The following SUZ12 variants were observed in gnomAD, a reference collection of about 807,000 sequenced individuals.
SUZ12 encodes the protein SUZ12 polycomb repressive complex 2 subunit, also known as polycomb protein SUZ12.
A neutral mutation model predicts 87.3 loss-of-function variants in SUZ12; 17 were observed. The observed-to-expected ratio is 0.19, with a 90% CI of 0.13 to 0.29. The LOEUF is 0.29. Among genes scored for constraint, SUZ12 ranks in the 10% least tolerant of loss-of-function variants. The probability of loss-of-function intolerance (pLI) is 1.00; values close to 1 mark genes in which losing one functional copy is unlikely to be tolerated. For synonymous variants in SUZ12, 253 were observed against 312.4 expected (o/e 0.81, Z 2.01); for missense variants, 526 against 912.2 (o/e 0.58, Z 5.45).
At chr17:31,969,102 A>G (rs566294531) in intron 5 of SUZ12, among the ~76,000 whole-genome samples, 19 of 152,096 alleles carry the variant, frequency 1.2e-4, no homozygotes, top group Non-Finnish European at 2.4e-4. Context: ...TCCACCTCCC[A>G]AGTATCTGGG....
chr17:31,980,466 T>TTTTTTTTTG (rs1909037343), intron 8 of SUZ12, among the ~76,000 whole-genome samples: 2 of 111,402 alleles, frequency 1.8e-5, no homozygotes, highest in East Asian at 2.2e-4. Flanking sequence ...TTTTTTTTTT[T>TTTTTTTTTG]GAGACGGAGT....
chr17:31,937,214 G>A lies in SUZ12; in HGVS notation c.-33G>A, dbSNP rs1309297959. 22 of 1,398,456 alleles carry A rather than the reference G, an allele frequency of 1.6e-5. No individual in the cohort carries two copies. The highest frequency in any genetic ancestry group is 3.1e-5 in the African/African-American group (2 of 65,432). The allele number at this position is 1,398,456 out of a possible 1,614,324, so 86.6% of individuals were successfully genotyped here. A position where few individuals can be genotyped will look rare whatever the true frequency, so the allele number is the denominator to read the frequency against. ...GCTTGCTCTCCGGGGCCGCCCGGCG[G>A]GTAGCTGGCGGGGGGAGGAGGCAGG... On this transcript the variant is annotated 5_prime_UTR_variant, in exon 1 of 16. Coordinates refer to ENST00000322652, the MANE Select transcript of SUZ12 (RefSeq NM_015355.4).
intron 9 of SUZ12, among the ~76,000 whole-genome samples, chr17:31,987,126 A>G (rs746763289): frequency 2.6e-5 from 4 of 152,222 alleles, no homozygotes; most frequent in Non-Finnish European, 5.9e-5. Flanking sequence ...AGGACTTGGT[A>G]ATTGCATGAG....
At chr17:31,990,099 C>T (rs562357669) in intron 10 of SUZ12, among the ~76,000 whole-genome samples, 11 of 147,390 alleles carry the variant, frequency 7.5e-5, no homozygotes, top group South Asian at 2.1e-4. Context: ...GGACTACAGG[C>T]GCCGGCCACC....
intron 10 of SUZ12, among the ~76,000 whole-genome samples, chr17:31,991,437 G>C (rs1909715518): frequency 1.3e-5 from 2 of 151,528 alleles, no homozygotes; most frequent in East Asian, 3.9e-4. Context: ...GCACTTCTCA[G>C]AATACTCAGA....
intron 8 of SUZ12, among the ~76,000 whole-genome samples, chr17:31,981,286 G>T (rs753975254): frequency 6.6e-6 from 1 of 152,254 alleles, no homozygotes; most frequent in Admixed American, 6.5e-5. Flanking sequence ...AGAAGAATGG[G>T]CAAAAGAAAC....
chr17:31,968,476 C>G (rs1036965815), intron 5 of SUZ12, among the ~76,000 whole-genome samples: 40 of 152,274 alleles, frequency 2.6e-4, no homozygotes, highest in Admixed American at 2.0e-4. Flanking sequence ...AAGTGATCCT[C>G]TCACCTCAGT....
rs1301656401 is a variant in SUZ12 at position 31,988,375 on chromosome 17, G to T, written c.1079G>T (p.Arg360Leu). ...SQGPTLQFTL[R>L]WTGETNDKST... Reference sequence around the variant, plus strand: ...GGACCTACGTTGCAGTTCACTCTTCGTTGGACAGGAGAGACCAATGATAAA... The same window carrying T: ...GGACCTACGTTGCAGTTCACTCTTCTTTGGACAGGAGAGACCAATGATAAA... Residue 360 changes from arginine to leucine, a missense_variant, in exon 10 of 16, where the codon CGT becomes CTT. Arg to Leu is a moderately radical substitution (Grantham distance 102). Around this residue, in one of 9 missense-constraint regions of SUZ12, gnomAD observed 85 missense variants for 87.4 expected, o/e 0.97. Transcript: ENST00000322652. 6.2e-7 allele frequency: 1 copy of T among 1,606,410 alleles called. No homozygotes were observed. The highest frequency in any genetic ancestry group is 1.3e-5 in the African/African-American group (1 of 74,380).
Position 31,973,163 on chromosome 17 carries a change from T to A in SUZ12, c.523T>A (p.Ser175Thr), listed in dbSNP as rs763637837. ...CTATTTAGATAAGCCATCACCAAACTCAGAAAATGAACAAAATTCTGTTAC... is the reference window on the plus strand; with the variant it reads ...CTATTTAGATAAGCCATCACCAAACACAGAAAATGAACAAAATTCTGTTAC... The part of the protein sequence containing the change: ...FHKNDKPSPN[S>T]ENEQNSVTLE... Residue 175 changes from serine (S) to threonine (T), a missense_variant, in exon 6 of 16, where the codon TCA becomes ACA. By Grantham distance (58) the Ser-to-Thr change is moderately conservative. Coordinates refer to ENST00000322652, the MANE Select transcript of SUZ12 (RefSeq NM_015355.4). 14 of 1,554,770 alleles carry A rather than the reference T, an allele frequency of 9.0e-6. No homozygotes were observed. The East Asian group carries it at 3.2e-4, about 36-fold the overall frequency.
intron 13 of SUZ12, 24 bp from the exon 14 acceptor site, chr17:31,995,540 T>TG: frequency 6.2e-7 from 1 of 1,609,168 alleles, no homozygotes; most frequent in Non-Finnish European, 8.5e-7. Flanking sequence ...AGGCCATAAA[T>TG]CAACATTTAT....
intron 15 of SUZ12, among the ~76,000 whole-genome samples, chr17:31,997,604 T>C (rs1199621578): frequency 6.9e-6 from 1 of 144,914 alleles, no homozygotes; most frequent in Non-Finnish European, 1.5e-5. Flanking sequence ...AAATGGAAAT[T>C]GCAGTGAGCC....
rs918050637 is a variant in SUZ12 at position 31,937,065 on chromosome 17, A to C, written c.-182A>C. ...AAGCGGAGCGGGGCTCTGAGGAGAC[A>C]CTTTTTTTTTCCTCCCTCCTTCCCT... is the stretch of plus-strand genomic sequence containing the variant. On this transcript the variant is annotated 5_prime_UTR_variant, in exon 1 of 16. Transcript: ENST00000322652. 2.0e-6 allele frequency: 1 copy of C among 501,976 alleles called. No homozygotes were observed. The highest frequency in any genetic ancestry group is 5.0e-5 in the South Asian group (1 of 20,042). 31.1% of individuals were successfully genotyped at this position (501,976 alleles called of 1,614,324 possible).
chr17:31,948,018 A>G (rs1906733824), intron 4 of SUZ12, among the ~76,000 whole-genome samples: 2 of 152,252 alleles, frequency 1.3e-5, no homozygotes, highest in Admixed American at 1.3e-4. Context: ...CATTTATAGT[A>G]TATGTGCTAG....
chr17:31,944,857 G>T (rs975409738), intron 3 of SUZ12, among the ~76,000 whole-genome samples: 1 of 151,942 alleles, frequency 6.6e-6, no homozygotes, highest in East Asian at 1.9e-4. Flanking sequence ...ATTTAAAGGC[G>T]AGAGTTATAG....
intron 10 of SUZ12, 135 bp downstream of exon 10, chr17:31,988,632 GC>G (rs1909538898): frequency 2.2e-6 from 2 of 916,146 alleles, no homozygotes; most frequent in Non-Finnish European, 3.1e-6. Flanking sequence ...TTGCTCTGTT[GC>G]CCAGGCAGGA....
At chr17:31,974,984 A>G (rs186141721) in intron 6 of SUZ12, among the ~76,000 whole-genome samples, 18 of 152,296 alleles carry the variant, frequency 1.2e-4, no homozygotes, top group Admixed American at 3.9e-4. Context: ...TATTTTAACT[A>G]TATGGATTTA....
At chr17:31,995,505 G>A (rs1313683721) in intron 13 of SUZ12, 59 bp from the exon 14 acceptor site, 9 of 1,379,988 alleles carry the variant, frequency 6.5e-6, no homozygotes, top group South Asian at 1.2e-5. Flanking sequence ...ACTCCTAGTC[G>A]TGAGGTTAGA....
In SUZ12 at chr17:31,984,203, A is replaced by G. The variant is rs117100427; in HGVS notation, c.1023+1099A>G. ...TATAAGCATAGGAATAGACAAGCAT[A>G]TCATTCAAGCATATCATTCAGGCAT... On this transcript the variant is annotated intron_variant, in intron 9 of 15. Transcript: ENST00000322652. Among the ~76,000 whole-genome samples, 1,034 of 152,310 alleles carry G rather than the reference A, an allele frequency of 6.8e-3. 9 individuals carry two copies. Among genetic ancestry groups the G allele is most frequent in the Non-Finnish European group, 0.011 (753 of 68,012 alleles).
intron 7 of SUZ12, among the ~76,000 whole-genome samples, chr17:31,976,128 T>G (rs1908736893): frequency 6.6e-6 from 1 of 152,104 alleles, no homozygotes; most frequent in Non-Finnish European, 1.5e-5. Context: ...GAAATAGACA[T>G]GAAATATATC....
Sources: allele counts gnomAD v4.1 joint callset (sites outside exome capture counted in the v4.1 genomes callset), GRCh38; gene constraint gnomAD v4.1.1; regional missense constraint gnomAD v4.1.1; transcripts MANE v1.5; gene names NCBI Gene and HGNC (gene_info 2026-07-23, HGNC 2026-07-21).